The following SH3GL2 variants were observed in gnomAD, a reference collection of about 807,000 sequenced individuals.
The protein encoded by SH3GL2 is endophilin-A1.
In SH3GL2, 24 loss-of-function variants were observed where a neutral mutation model predicts 46.0. The observed-to-expected ratio is 0.52, with a 90% CI of 0.38 to 0.73. The LOEUF is 0.73. Ranked by LOEUF, SH3GL2 falls within the 30% of genes least tolerant of loss-of-function variation. The probability of loss-of-function intolerance (pLI) is 0.00; values close to 1 mark genes in which losing one functional copy is unlikely to be tolerated. For missense variants in SH3GL2, 413 were observed against 424.2 expected (o/e 0.97, Z 0.23); for synonymous variants, 196 against 147.1 (o/e 1.33, Z -2.40).
chr9:17,616,238 A>G (rs1031952649), intron 1 of SH3GL2, among the ~76,000 whole-genome samples: 6 of 152,232 alleles, frequency 3.9e-5, no homozygotes, highest in Admixed American at 3.3e-4. Context: ...AGATTTGTTT[A>G]TAAAAGAAAT....
intron 1 of SH3GL2, among the ~76,000 whole-genome samples, chr9:17,707,785 C>T (rs1240365523): frequency 1.3e-5 from 2 of 152,014 alleles, no homozygotes; most frequent in African/African-American, 4.8e-5. Flanking sequence ...AAAGCACGGT[C>T]CCTTACATAA....
At chr9:17,759,198 T>C (rs1563842501) in intron 2 of SH3GL2, among the ~76,000 whole-genome samples, 1 of 152,262 alleles carries the variant, frequency 6.6e-6, no homozygotes, top group East Asian at 1.9e-4. Context: ...CCCGTGAAAC[T>C]GAGGGCCTGT....
chr9:17,616,765 G>C (rs1447067388), intron 1 of SH3GL2, among the ~76,000 whole-genome samples: 1 of 151,984 alleles, frequency 6.6e-6, no homozygotes, highest in Non-Finnish European at 1.5e-5. Context: ...TAGCCTGTTG[G>C]TTTAGTAGAT....
At position 17,789,544 on chromosome 9, in the gene SH3GL2, G is replaced by A; in HGVS notation, c.618G>A (p.Glu206=). The change falls in exon 6 of 9, where the codon GAG becomes GAA. Residue 206 remains glutamate (E), a synonymous_variant. Coordinates refer to ENST00000380607, the MANE Select transcript of SH3GL2 (RefSeq NM_003026.5). ...IAESSMFNLL[E]MDIEQVSQLS... Reference sequence around the variant, plus strand: ...AGTCAAGCATGTTCAATCTCTTGGAGATGGATGTAAGTGACTCCTGTGGTT... The same window carrying A: ...AGTCAAGCATGTTCAATCTCTTGGAAATGGATGTAAGTGACTCCTGTGGTT... 3 of 1,613,390 alleles carry A rather than the reference G, an allele frequency of 1.9e-6. No individual in the cohort carries two copies. The highest frequency in any genetic ancestry group is 2.5e-6 in the Non-Finnish European group (3 of 1,179,508).
At chr9:17,715,740 A>G (rs996373933) in intron 1 of SH3GL2, among the ~76,000 whole-genome samples, 2 of 133,032 alleles carry the variant, frequency 1.5e-5, no homozygotes, top group South Asian at 5.0e-4. Context: ...TAAACCTATC[A>G]TAAGTTGAAA....
At chr9:17,716,584 A>G (rs1370846122) in intron 1 of SH3GL2, among the ~76,000 whole-genome samples, 4 of 152,074 alleles carry the variant, frequency 2.6e-5, no homozygotes, top group South Asian at 2.1e-4. Flanking sequence ...CTGTTTTTGG[A>G]TGGTTCTTTT....
chr9:17,610,195 A>G (rs1229209617), intron 1 of SH3GL2, among the ~76,000 whole-genome samples: 1 of 152,232 alleles, frequency 6.6e-6, no homozygotes, highest in Non-Finnish European at 1.5e-5. Flanking sequence ...ATTAAATAGC[A>G]AAATGCACAT....
intron 1 of SH3GL2, among the ~76,000 whole-genome samples, chr9:17,687,540 G>A (rs1201819122): frequency 6.6e-6 from 1 of 150,682 alleles, no homozygotes; most frequent in Non-Finnish European, 1.5e-5. Flanking sequence ...TCAACATACA[G>A]CATAGTGGAG....
In SH3GL2 at chr9:17,592,939, G is replaced by A. The variant is rs576731840; in HGVS notation, c.45+13652G>A. On this transcript the variant is annotated intron_variant, in intron 1 of 8. Transcript: ENST00000380607. ...GTGAAGGTTAAGTGGATCACCAAAG[G>A]CCGGTGATTTAATCAGTCATGCCTA... Among the ~76,000 whole-genome samples the A allele has an allele frequency of 7.9e-5, 12 of 152,264 alleles. 1 individual carries two copies. In the South Asian group the frequency reaches 2.3e-3, roughly 29 times the overall value.
At chr9:17,773,465 G>GT (rs1355147813) in intron 3 of SH3GL2, among the ~76,000 whole-genome samples, 2 of 152,032 alleles carry the variant, frequency 1.3e-5, no homozygotes, top group African/African-American at 2.4e-5. Flanking sequence ...GCTCTTTAAT[G>GT]TATTTGGAGT....
In SH3GL2 at chr9:17,791,278, G is replaced by A. The variant is rs1351355597; in HGVS notation, c.672G>A (p.Glu224=). 1.9e-6 allele frequency: 3 copies of A among 1,613,640 alleles called. No individual in the cohort carries two copies. Among genetic ancestry groups the A allele is most frequent in the East Asian group, 2.2e-5 (1 of 44,872 alleles). Residue 224 remains glutamate (E), a synonymous_variant, in exon 7 of 9, where the codon GAG becomes GAA. Coordinates refer to ENST00000380607, the MANE Select transcript of SH3GL2 (RefSeq NM_003026.5). ...CTGCACTTGTGCAAGCTCAGCTGGA[G>A]TACCACAAGCAGGCAGTCCAGATCC... ...QLSALVQAQL[E]YHKQAVQILQ...
At chr9:17,613,839 A>G (rs1818922046) in intron 1 of SH3GL2, among the ~76,000 whole-genome samples, 1 of 152,200 alleles carries the variant, frequency 6.6e-6, no homozygotes, top group African/African-American at 2.4e-5. Context: ...CAACACAAAA[A>G]GCTTTCCTTT....
intron 3 of SH3GL2, 129 bp from the exon 4 acceptor site, chr9:17,786,252 G>A (rs777528801): frequency 1.6e-5 from 12 of 747,404 alleles, no homozygotes; most frequent in South Asian, 5.7e-5. Flanking sequence ...ACACTGGAGC[G>A]TACTGAAGGT....
intron 1 of SH3GL2, among the ~76,000 whole-genome samples, chr9:17,622,073 G>C (rs891505572): frequency 2.0e-5 from 3 of 152,110 alleles, no homozygotes; most frequent in Admixed American, 2.0e-4. Flanking sequence ...GGGAAAACTA[G>C]AATCAGGCTA....
chr9:17,742,736 T>C (rs1822561797), intron 1 of SH3GL2, among the ~76,000 whole-genome samples: 1 of 152,188 alleles, frequency 6.6e-6, no homozygotes, highest in Non-Finnish European at 1.5e-5. Flanking sequence ...GGAAGTATAA[T>C]AGATTAGAAG....
chr9:17,620,877 G>T (rs372829965), intron 1 of SH3GL2, among the ~76,000 whole-genome samples: 1 of 152,138 alleles, frequency 6.6e-6, no homozygotes, highest in South Asian at 2.1e-4. Context: ...AAAGGGGGAG[G>T]TAAGCAGAGG....
intron 3 of SH3GL2, among the ~76,000 whole-genome samples, chr9:17,782,810 A>G (rs1246813995): frequency 6.6e-6 from 1 of 152,208 alleles, no homozygotes; most frequent in Non-Finnish European, 1.5e-5. Flanking sequence ...AGTGGGGAAG[A>G]GCAAGGAAAA....
intron 1 of SH3GL2, among the ~76,000 whole-genome samples, chr9:17,743,010 C>G (rs974209771): frequency 3.3e-5 from 5 of 152,078 alleles, no homozygotes; most frequent in African/African-American, 1.2e-4. Flanking sequence ...TGTGAAGTGT[C>G]AATTTTAGAT....
chr9:17,764,039 T>A (rs1231512728), intron 3 of SH3GL2, among the ~76,000 whole-genome samples: 1 of 152,208 alleles, frequency 6.6e-6, no homozygotes, highest in African/African-American at 2.4e-5. Flanking sequence ...ATGACATTTT[T>A]AATACAATAT....
Sources: allele counts gnomAD v4.1 joint callset (sites outside exome capture counted in the v4.1 genomes callset), GRCh38; gene constraint gnomAD v4.1.1; transcripts MANE v1.5; gene names NCBI Gene and HGNC (gene_info 2026-07-23, HGNC 2026-07-21).